The following ZNF16 variants were observed in gnomAD, a reference collection of about 807,000 sequenced individuals.
The protein encoded by ZNF16 is zinc finger protein 16.
A neutral mutation model predicts 9.0 loss-of-function variants in ZNF16; 7 were observed. The ratio of observed to expected loss-of-function variants is 0.78; its 90% CI spans 0.44 to 1.47. ZNF16 has a LOEUF of 1.47. ZNF16 is among the 40% of genes most tolerant of loss of function. ZNF16 has a pLI of 0.01. For missense variants in ZNF16, 830 were observed against 854.2 expected (o/e 0.97, Z 0.35); for synonymous variants, 312 against 301.5 (o/e 1.03, Z -0.36).
At chr8:144,950,552 G>T (rs1271231736) in intron 1 of ZNF16, 1 of 152,128 alleles carries the variant, frequency 6.6e-6, no homozygotes, top group Non-Finnish European at 1.5e-5. Context: ...TTACCCCGGG[G>T]TCTCCCCGGA....
chr8:144,949,992 A>G (rs1834059630), intron 1 of ZNF16, among the ~76,000 whole-genome samples: 1 of 152,192 alleles, frequency 6.6e-6, no homozygotes, highest in Non-Finnish European at 1.5e-5. Flanking sequence ...ATAAAACCCG[A>G]TTGTACATTT....
intron 2 of ZNF16, among the ~76,000 whole-genome samples, chr8:144,936,350 T>C (rs191600929): frequency 6.6e-6 from 1 of 152,348 alleles, no homozygotes; most frequent in East Asian, 1.9e-4. Flanking sequence ...CTTTTGGCTA[T>C]CATGAATACT....
rs1221899570 is a variant in ZNF16, at chr8:144,933,507, C to T, written c.197-917G>A. On this transcript the variant is annotated intron_variant, in intron 2 of 2. Coordinates refer to ENST00000394909, the MANE Select transcript of ZNF16 (RefSeq NM_006958.3). This position sits in a 1 kb window ranked among gnomAD's most constrained non-coding sequence, Gnocchi z 5.6. Reference sequence around the variant, plus strand: ...CTGCAGAACAAAGAAACCCTCATGTCCCTGTGTCCCTTACTCAAATGAAGA... The same window carrying T: ...CTGCAGAACAAAGAAACCCTCATGTTCCTGTGTCCCTTACTCAAATGAAGA... Among the ~76,000 whole-genome samples the T allele has an allele frequency of 2.6e-5, 4 of 152,158 alleles. No individual in the cohort carries two copies. Among genetic ancestry groups the T allele is most frequent in the East Asian group, 1.9e-4 (1 of 5,188 alleles).
intron 1 of ZNF16, among the ~76,000 whole-genome samples, chr8:144,948,782 G>A (rs1586962708): frequency 1.3e-5 from 2 of 152,052 alleles, no homozygotes; most frequent in Non-Finnish European, 2.9e-5. Context: ...ATTATGTGTG[G>A]GATCTTGCTT....
At position 144,932,707 on chromosome 8, in the gene ZNF16, T is replaced by C; in HGVS notation, c.197-117A>G. On this transcript the variant is annotated intron_variant, in intron 2 of 2. Transcript: ENST00000394909. This position sits in a 1 kb window ranked among gnomAD's most constrained non-coding sequence, Gnocchi z 5.0. The stretch of plus-strand genomic sequence containing the variant: ...GAGGCAAGGGGAGCAGGGGATCCTC[T>C]GGGGTGGCAGTCCAGATCAGAGGGC... 1 of 1,081,870 alleles carries C rather than the reference T, an allele frequency of 9.2e-7. No individual in the cohort carries two copies. Among genetic ancestry groups the C allele is most frequent in the Non-Finnish European group, 1.3e-6 (1 of 754,506 alleles). The allele number at this position is 1,081,870 out of a possible 1,614,324, so 67.0% of individuals were successfully genotyped here. A position where few individuals can be genotyped will look rare whatever the true frequency, so the allele number is the denominator to read the frequency against.
chr8:144,935,233 GCT>G (rs1351348879), intron 2 of ZNF16, among the ~76,000 whole-genome samples: 2 of 151,820 alleles, frequency 1.3e-5, no homozygotes, highest in African/African-American at 4.8e-5. Context: ...ACAGAGTTTG[GCT>G]CTTATAGCCC....
rs1833533329 is a variant in ZNF16 at position 144,931,365 on chromosome 8, T to A, written c.1422A>T (p.Ser474=). 1 of 1,614,046 alleles carries A rather than the reference T, an allele frequency of 6.2e-7. No homozygotes were observed. The highest frequency in any genetic ancestry group is 1.3e-5 in the African/African-American group (1 of 75,038). Residue 474 remains serine (S), a synonymous_variant, in exon 3 of 3, where the codon TCA becomes TCT. Transcript: ENST00000394909. ...GGATGATCTGGTGCTTTCGGAGCAC[T>A]GAGCTATAACTAAAGGCTTTTCCAC... ...NVCGKAFSYS[S]VLRKHQIIHT...
intron 1 of ZNF16, among the ~76,000 whole-genome samples, chr8:144,949,870 G>GACA (rs1834053909): frequency 1.1e-4 from 16 of 152,250 alleles, no homozygotes; most frequent in African/African-American, 1.9e-4. Context: ...CCAGCCCAAC[G>GACA]CCCGTAAAGG....
At chr8:144,937,756 A>G (rs1251065346) in intron 2 of ZNF16, among the ~76,000 whole-genome samples, 1 of 152,104 alleles carries the variant, frequency 6.6e-6, no homozygotes, top group African/African-American at 2.4e-5. Context: ...AGCTGACTGT[A>G]GCCTTGAGCT....
chr8:144,932,243 G>C lies in ZNF16; in HGVS notation c.544C>G (p.Pro182Ala). Residue 182 changes from proline to alanine, a missense_variant, in exon 3 of 3, where the codon CCA becomes GCA. Coordinates refer to ENST00000394909, the MANE Select transcript of ZNF16 (RefSeq NM_006958.3). The surrounding 1 kb of genome is among the most constrained non-coding windows in gnomAD (Gnocchi z 5.0). ...AAACTCTGGCCACCCATGTCATATG[G>C]ATGTGGCCTCTCTTCTGTAGGGATT... Reference protein sequence around the residue: ...QEIPTEERPHPYDMGGQSFQH... With the variant: ...QEIPTEERPHAYDMGGQSFQH... 1 of 1,614,160 alleles carries C rather than the reference G, an allele frequency of 6.2e-7. No individual in the cohort carries two copies. Among genetic ancestry groups the C allele is most frequent in the Non-Finnish European group, 8.5e-7 (1 of 1,180,038 alleles).
intron 2 of ZNF16, among the ~76,000 whole-genome samples, chr8:144,937,137 C>CTTTTTTTTTTTTT (rs1554659152): frequency 8.9e-6 from 1 of 112,990 alleles, no homozygotes. Context: ...CACTTTCTTT[C>CTTTTTTTTTTTTT]TCTCTCTTTT....
Position 144,931,227 on chromosome 8 carries a change from G to A in ZNF16, c.1560C>T (p.His520=), listed in dbSNP as rs373394970. Reference sequence around the variant, plus strand: ...TGCGACCAAAGGTCTTCCCACACTCGTGGCAGGCGTAGGGCTTGTCGCCTG... The same window carrying A: ...TGCGACCAAAGGTCTTCCCACACTCATGGCAGGCGTAGGGCTTGTCGCCTG... ...VHTGDKPYAC[H]ECGKTFGRSS... is the part of the protein sequence containing the mutation. Residue 520 remains histidine (H), a synonymous_variant, in exon 3 of 3, where the codon CAC becomes CAT. Transcript: ENST00000394909. The A allele has an allele frequency of 1.4e-5, 22 of 1,613,124 alleles. No individual in the cohort carries two copies. Among genetic ancestry groups the A allele is most frequent in the Admixed American group, 1.7e-5 (1 of 59,924 alleles).
intron 1 of ZNF16, among the ~76,000 whole-genome samples, chr8:144,949,409 C>T (rs906756890): frequency 3.3e-5 from 5 of 152,220 alleles, no homozygotes; most frequent in African/African-American, 1.2e-4. Flanking sequence ...CCCTTGTCTC[C>T]CATGCGCTGG....
Position 144,932,613 on chromosome 8 carries a change from A to G in ZNF16, c.197-23T>C, listed in dbSNP as rs370637290. 28 of 1,598,298 alleles carry G rather than the reference A, an allele frequency of 1.8e-5. No homozygotes were observed. In the Middle Eastern group the frequency reaches 6.7e-4, roughly 38 times the overall value. On this transcript the variant is annotated intron_variant, in intron 2 of 2. Transcript: ENST00000394909. This position sits in a 1 kb window ranked among gnomAD's most constrained non-coding sequence, Gnocchi z 5.0. ...AATCTGAAACAATAAATAGAATATC[A>G]CTTGGAAGGCAGTGCTGCAGCAGGA...
In ZNF16 at chr8:144,931,317, T is replaced by C; in HGVS notation, c.1470A>G (p.Arg490=). ...TGAAGGCCTTCCCACAGACACTGCA[T>C]CTGTACGGCTTCTCTCCCGTGTGGA... ...QIIHTGEKPY[R]CSVCGKAFSH... Residue 490 remains arginine, a synonymous_variant, in exon 3 of 3, where the codon AGA becomes AGG. Transcript: ENST00000394909. The C allele has an allele frequency of 6.2e-7, 1 of 1,613,486 alleles. No homozygotes were observed. The highest frequency in any genetic ancestry group is 2.2e-5 in the East Asian group (1 of 44,764).
intron 1 of ZNF16, chr8:144,947,947 C>G (rs1242831333): frequency 6.6e-6 from 1 of 152,336 alleles, no homozygotes; most frequent in East Asian, 1.9e-4. Context: ...TACCTCAGCC[C>G]TTCACTCACA....
At chr8:144,942,434 C>T (rs1192604939) in intron 2 of ZNF16, among the ~76,000 whole-genome samples, 1 of 151,774 alleles carries the variant, frequency 6.6e-6, no homozygotes, top group Non-Finnish European at 1.5e-5. Flanking sequence ...ATTACAGGTG[C>T]CCACCACCAT....
chr8:144,948,740 G>A (rs1834020451), intron 1 of ZNF16, among the ~76,000 whole-genome samples: 1 of 140,734 alleles, frequency 7.1e-6, no homozygotes, highest in African/African-American at 2.6e-5. Flanking sequence ...ACCCAACTAT[G>A]CTATGGCTTC....
chr8:144,932,347 G>T lies in ZNF16; in HGVS notation c.440C>A (p.Pro147His). The change falls in exon 3 of 3, where the codon CCC becomes CAC. Residue 147 changes from proline (P) to histidine (H), a missense_variant. Physicochemically the swap from Pro to His is moderately conservative, Grantham distance 77. Coordinates refer to ENST00000394909, the MANE Select transcript of ZNF16 (RefSeq NM_006958.3). The surrounding 1 kb of genome is among the most constrained non-coding windows in gnomAD (Gnocchi z 5.0). Reference protein sequence around the residue: ...TPAAMGLLRGPLGEKDLDCNG... With the variant: ...TPAAMGLLRGHLGEKDLDCNG... ...ACAGTCCAGATCTTTCTCCCCTAAG[G>T]GGCCCCTAAGGAGCCCCATGGCAGC... 2 of 1,614,104 alleles carry T rather than the reference G, an allele frequency of 1.2e-6. No individual in the cohort carries two copies. The highest frequency in any genetic ancestry group is 1.7e-6 in the Non-Finnish European group (2 of 1,180,006).
Sources: gnomAD v4.1 joint callset for allele counts (sites outside exome capture counted in the v4.1 genomes callset) on GRCh38, gnomAD v4.1.1 for gene constraint, Gnocchi (gnomAD v3.1) non-coding constraint, MANE v1.5 for transcripts, NCBI Gene and HGNC (gene_info 2026-07-23, HGNC 2026-07-21) for gene names.